Variants in MDC1 observed in about 807,000 individuals in gnomAD.
MDC1 encodes the protein mediator of DNA damage checkpoint 1.
MDC1 carries 81 observed loss-of-function variants against 142.5 expected under a neutral mutation model. The observed-to-expected ratio is 0.57, with a 90% CI of 0.47 to 0.68. The LOEUF (loss-of-function observed/expected upper bound fraction) is 0.68. Among genes scored for constraint, MDC1 ranks in the 30% least tolerant of loss-of-function variants. The pLI is 0.00. For missense variants in MDC1, 2,119 were observed against 2,547.9 expected, an observed-to-expected ratio of 0.83 and a Z score of 3.62; for synonymous variants, 797 against 968.4, an observed-to-expected ratio of 0.82 and a Z score of 3.29.
At chr6:30,714,283 A>G in intron 2 of MDC1, 100 bp from the exon 3 acceptor site, 1 of 1,278,480 alleles carries the variant, frequency 7.8e-7, no homozygotes, top group East Asian at 2.5e-5. Flanking sequence ...CAAGGCCTCC[A>G]TATGCATTAG....
At position 30,703,052 on chromosome 6, in the gene MDC1, T is replaced by A; in HGVS notation, c.5865+52A>T. 1.3e-6 allele frequency: 2 copies of A among 1,591,126 alleles called. No homozygotes were observed. The highest frequency in any genetic ancestry group is 1.1e-5 in the South Asian group (1 of 87,992). On this transcript the variant is annotated intron_variant, in intron 12 of 14. Transcript: ENST00000376406. The surrounding 1 kb of genome is among the most constrained non-coding windows in gnomAD (Gnocchi z 4.4). The stretch of plus-strand genomic sequence containing the variant: ...CCTTCCACCACTTTCTAGGGCACTA[T>A]ATGAGCAGTCTTGCCACTATATCGG...
rs767992636 is a variant in MDC1, at chr6:30,703,072, T to C, written c.5865+32A>G. The C allele has an allele frequency of 6.2e-7, 1 of 1,601,816 alleles. No individual in the cohort carries two copies. The highest frequency in any genetic ancestry group is 8.5e-7 in the Non-Finnish European group (1 of 1,172,498). Reference sequence around the variant, plus strand: ...CACTATATGAGCAGTCTTGCCACTATATCGGTCTGTCATCATCCCTTGGCC... The same window carrying C: ...CACTATATGAGCAGTCTTGCCACTACATCGGTCTGTCATCATCCCTTGGCC... On this transcript the variant is annotated intron_variant, in intron 12 of 14. Coordinates refer to ENST00000376406, the MANE Select transcript of MDC1 (RefSeq NM_014641.3). This position sits in a 1 kb window ranked among gnomAD's most constrained non-coding sequence, Gnocchi z 4.4.
chr6:30,709,883 A>G lies in MDC1; in HGVS notation c.2222-1526T>C, dbSNP rs1482121154. 1.3e-5 allele frequency among the ~76,000 whole-genome samples: 2 copies of G among 151,642 alleles called. No individual in the cohort carries two copies. The highest frequency in any genetic ancestry group is 2.9e-5 in the Non-Finnish European group (2 of 67,904). On this transcript the variant is annotated intron_variant, in intron 7 of 14. Transcript: ENST00000376406. This position sits in a 1 kb window ranked among gnomAD's most constrained non-coding sequence, Gnocchi z 4.2. ...ATACTGTTCCACTGTGTATATATAC[A>G]CATTTTCTTTTTTTTTTAGATTGAG...
chr6:30,713,012 A>G lies in MDC1; in HGVS notation c.930T>C (p.Pro310=), dbSNP rs2127719004. ...CCAAATGGACCTCAGCTGGCCTTCC[A>G]GGAGGCCTGCTGTCATCATCCACAT... The part of the protein sequence containing the change: ...DTDVDDDSRP[P]GRPAEVHLER... Residue 310 remains proline, a synonymous_variant, in exon 5 of 15, where the codon CCT becomes CCC. Coordinates refer to ENST00000376406, the MANE Select transcript of MDC1 (RefSeq NM_014641.3). The surrounding 1 kb of genome is among the most constrained non-coding windows in gnomAD (Gnocchi z 4.9). 6.2e-7 allele frequency: 1 copy of G among 1,612,710 alleles called. No homozygotes were observed. Among genetic ancestry groups the G allele is most frequent in the Middle Eastern group, 1.7e-4 (1 of 6,060 alleles).
Position 30,713,619 on chromosome 6 carries a change from A to T in MDC1, c.587+29T>A. 6.2e-7 allele frequency: 1 copy of T among 1,601,554 alleles called. No individual in the cohort carries two copies. Among genetic ancestry groups the T allele is most frequent in the Non-Finnish European group, 8.5e-7 (1 of 1,170,234 alleles). ...CCCCTGGTTCTTCCTCATTTTGAAGACTCAGGTGTCTGACTCTTTGGCACT... is the reference window on the plus strand; with the variant it reads ...CCCCTGGTTCTTCCTCATTTTGAAGTCTCAGGTGTCTGACTCTTTGGCACT... On this transcript the variant is annotated intron_variant, in intron 4 of 14. Transcript: ENST00000376406. This position sits in a 1 kb window ranked among gnomAD's most constrained non-coding sequence, Gnocchi z 4.9.
intron 7 of MDC1, among the ~76,000 whole-genome samples, chr6:30,710,949 C>T (rs60794866): frequency 6.6e-6 from 1 of 151,736 alleles, no homozygotes; most frequent in Non-Finnish European, 1.5e-5. Flanking sequence ...GAGACCAGGT[C>T]TCTCTCTGTT....
intron 14 of MDC1, among the ~76,000 whole-genome samples, chr6:30,701,873 G>T (rs182164292): frequency 2.5e-3 from 376 of 151,796 alleles, no homozygotes; most frequent in African/African-American, 8.2e-3. Context: ...ATATAATATT[G>T]GCAGTTTGCT....
rs759330464 is a variant in MDC1 at position 30,702,782 on chromosome 6, C to T, written c.5961G>A (p.Leu1987=). ...KNFGFSLQDA[L]SRARERRLLE... ...GCAGCCTTCGCTCCCGAGCCCTGCT[C>T]AGTGCGTCTTGAAGGCTAAAGCCAA... Residue 1987 remains leucine (L), a synonymous_variant, in exon 13 of 15, where the codon CTG becomes CTA. Coordinates refer to ENST00000376406, the MANE Select transcript of MDC1 (RefSeq NM_014641.3). The T allele has an allele frequency of 6.2e-7, 1 of 1,613,154 alleles. No homozygotes were observed. Among genetic ancestry groups the T allele is most frequent in the Non-Finnish European group, 8.5e-7 (1 of 1,180,044 alleles).
In MDC1 at chr6:30,712,897, T is replaced by C. The variant is rs1775128391; in HGVS notation, c.1045A>G (p.Lys349Glu). Residue 349 changes from lysine to glutamate, a missense_variant, in exon 5 of 15, where the codon AAG becomes GAG. Lys to Glu is a moderately conservative substitution (Grantham distance 56). Transcript: ENST00000376406. The surrounding 1 kb of genome is among the most constrained non-coding windows in gnomAD (Gnocchi z 4.7). ...PATPVVIPMK[K>E]RKIFHGVGTR... The stretch of plus-strand genomic sequence containing the variant: ...CCTACTCCATGGAAGATCTTCCTCT[T>C]CTTCATAGGAATGACAACTGGGGTT... 1 of 1,613,096 alleles carries C rather than the reference T, an allele frequency of 6.2e-7. No homozygotes were observed. The highest frequency in any genetic ancestry group is 8.5e-7 in the Non-Finnish European group (1 of 1,180,038).
chr6:30,707,797 A>C lies in MDC1; in HGVS notation c.2782T>G (p.Cys928Gly), dbSNP rs541108898. ...TTCTCTTCTAACTCGGCTGGATCGC[A>C]CTCTCTGTTTGCTACTGGTCTCTCT... ...EVERPVANRE[C>G]DPAELEEKVP... Residue 928 changes from cysteine to glycine, a missense_variant, in exon 8 of 15, where the codon TGC becomes GGC. Cys to Gly is a radical substitution (Grantham distance 159). Transcript: ENST00000376406. 1 of 1,612,376 alleles carries C rather than the reference A, an allele frequency of 6.2e-7. No individual in the cohort carries two copies. The highest frequency in any genetic ancestry group is 2.2e-5 in the East Asian group (1 of 44,820).
chr6:30,703,233 C>G lies in MDC1; in HGVS notation c.5736G>C (p.Leu1912=). The change falls in exon 12 of 15, where the codon CTG becomes CTC. Residue 1912 remains leucine (L), a synonymous_variant. Coordinates refer to ENST00000376406, the MANE Select transcript of MDC1 (RefSeq NM_014641.3). The surrounding 1 kb of genome is among the most constrained non-coding windows in gnomAD (Gnocchi z 4.4). ...CCGCTGAACCAGCCAGACTTCCCCC[C>G]AGTGCCAGCACAGCCCGCTCTCCCC... ...DARGERAVLA[L]GGSLAGSAAE... 6.2e-7 allele frequency: 1 copy of G among 1,613,112 alleles called. No individual in the cohort carries two copies.
At position 30,715,496 on chromosome 6, in the gene MDC1, G is replaced by A. The variant is rs1021476927; in HGVS notation, c.-3-318C>T. 6.6e-6 allele frequency among the ~76,000 whole-genome samples: 1 copy of A among 152,142 alleles called. No individual in the cohort carries two copies. Among genetic ancestry groups the A allele is most frequent in the Admixed American group, 6.6e-5 (1 of 15,256 alleles). ...TGAGATTACAGGCACCTGCCACCAT[G>A]CCTGGCTAATTTTTGTATTTTTAGA... On this transcript the variant is annotated intron_variant, in intron 1 of 14. Coordinates refer to ENST00000376406, the MANE Select transcript of MDC1 (RefSeq NM_014641.3). The surrounding 1 kb of genome is among the most constrained non-coding windows in gnomAD (Gnocchi z 4.1).
chr6:30,700,694 C>T, intron 14 of MDC1, 62 bp from the exon 15 acceptor site: 1 of 1,555,612 alleles, frequency 6.4e-7, no homozygotes. Flanking sequence ...GGGTTCAGGA[C>T]CCACTAACCA....
At position 30,705,202 on chromosome 6, in the gene MDC1, G is replaced by A; in HGVS notation, c.3981C>T (p.Pro1327=). 1.3e-6 allele frequency: 2 copies of A among 1,591,800 alleles called. No individual in the cohort carries two copies. The highest frequency in any genetic ancestry group is 2.3e-5 in the East Asian group (1 of 42,682). ...TGGAAATCTGGAGCTCAGGGGCTGT[G>A]GGGACAACTGTTTCAGGGGTCTTGA... is the stretch of plus-strand genomic sequence containing the variant. The part of the protein sequence containing the change: ...SSVKTPETVV[P]TAPELQISTS... The change falls in exon 10 of 15, where the codon CCC becomes CCT. Residue 1327 remains proline, a synonymous_variant. Transcript: ENST00000376406.
At position 30,707,818 on chromosome 6, in the gene MDC1, T is replaced by C. The variant is rs1774162768; in HGVS notation, c.2761A>G (p.Arg921Gly). ...PSKAFEREVE[R>G]PVANRECDPA... Reference sequence around the variant, plus strand: ...TCGCACTCTCTGTTTGCTACTGGTCTCTCTACTTCTCTCTCAAATGCTTTG... The same window carrying C: ...TCGCACTCTCTGTTTGCTACTGGTCCCTCTACTTCTCTCTCAAATGCTTTG... Residue 921 changes from arginine to glycine, a missense_variant, in exon 8 of 15, where the codon AGA becomes GGA. By Grantham distance (125) the Arg-to-Gly change is moderately radical. Coordinates refer to ENST00000376406, the MANE Select transcript of MDC1 (RefSeq NM_014641.3). 1 of 1,613,094 alleles carries C rather than the reference T, an allele frequency of 6.2e-7. No individual in the cohort carries two copies. Among genetic ancestry groups the C allele is most frequent in the Non-Finnish European group, 8.5e-7 (1 of 1,180,028 alleles).
At chr6:30,701,406 A>G (rs570282881) in intron 14 of MDC1, among the ~76,000 whole-genome samples, 2 of 152,260 alleles carry the variant, frequency 1.3e-5, no homozygotes, top group Admixed American at 6.5e-5. Context: ...TCAAAAAAAA[A>G]AAATACTTTT....
At position 30,716,967 on chromosome 6, in the gene MDC1, T is replaced by C; in HGVS notation, c.-4+278A>G. The C allele has an allele frequency of 4.1e-6, 4 of 970,768 alleles. No individual in the cohort carries two copies. The highest frequency in any genetic ancestry group is 4.9e-6 in the Non-Finnish European group (4 of 816,564). The allele number at this position is 970,768 out of a possible 1,614,324, so 60.1% of individuals were successfully genotyped here. Reference sequence around the variant, plus strand: ...GGATAAAGTGTCAACTCCGTCTTTATGACAGGCCAACTCAGCGGGTGCCCA... The same window carrying C: ...GGATAAAGTGTCAACTCCGTCTTTACGACAGGCCAACTCAGCGGGTGCCCA... On this transcript the variant is annotated intron_variant, in intron 1 of 14. Transcript: ENST00000376406. The surrounding 1 kb of genome is among the most constrained non-coding windows in gnomAD (Gnocchi z 4.4).
At position 30,714,148 on chromosome 6, in the gene MDC1, G is replaced by A. The variant is rs1347359920; in HGVS notation, c.172C>T (p.Arg58Ter). The part of the protein sequence containing the change: ...PLHLGKNVVG[R>*]MPDCSVALPF... The stretch of plus-strand genomic sequence containing the variant: ...AGGGCCACAGAGCAGTCAGGCATTC[G>A]GCCTACCACATTCTTCCCGAGGTGT... The change falls in exon 3 of 15, where the codon CGA becomes TGA. Residue 58 changes from arginine to a stop codon, truncating the protein, a stop_gained. Transcript: ENST00000376406. LOFTEE classifies it high-confidence loss of function. 1.9e-6 allele frequency: 3 copies of A among 1,611,038 alleles called. No individual in the cohort carries two copies. Among genetic ancestry groups the A allele is most frequent in the African/African-American group, 1.3e-5 (1 of 74,880 alleles).
chr6:30,700,760 C>CAT, intron 14 of MDC1, 128 bp from the exon 15 acceptor site: 1 of 915,734 alleles, frequency 1.1e-6, no homozygotes, highest in African/African-American at 1.7e-5. Context: ...AAGCACACCG[C>CAT]ATACTGTCTA....
Sources: allele counts gnomAD v4.1 joint callset (sites outside exome capture counted in the v4.1 genomes callset), GRCh38; gene constraint gnomAD v4.1.1; non-coding constraint Gnocchi (gnomAD v3.1); transcripts MANE v1.5; gene names NCBI Gene and HGNC (gene_info 2026-07-23, HGNC 2026-07-21).